Variants in LRRN2 observed in about 807,000 individuals in gnomAD.
LRRN2 encodes leucine rich repeat neuronal 2.
LRRN2 carries 10 observed loss-of-function variants against 35.7 expected under a neutral mutation model. The ratio of observed to expected loss-of-function variants is 0.28; its 90% CI spans 0.17 to 0.47. The LOEUF (loss-of-function observed/expected upper bound fraction) is 0.47. Among genes scored for constraint, LRRN2 ranks in the 20% least tolerant of loss-of-function variants. LRRN2 has a pLI of 0.99. For synonymous variants in LRRN2, 391 were observed against 409.6 expected (o/e 0.95, Z 0.55); for missense variants, 731 against 940.3 (o/e 0.78, Z 2.91).
chr1:204,679,916 G>A (rs1161484791), intron 1 of LRRN2, among the ~76,000 whole-genome samples: 1 of 152,226 alleles, frequency 6.6e-6, no homozygotes, highest in African/African-American at 2.4e-5. Context: ...TGAAGATCCC[G>A]AAAAGGAGAC....
chr1:204,663,113 C>T (rs1341906333), intron 1 of LRRN2, among the ~76,000 whole-genome samples: 1 of 152,146 alleles, frequency 6.6e-6, no homozygotes, highest in Non-Finnish European at 1.5e-5. Context: ...CCTCCAACCC[C>T]CATTTGGACC....
At chr1:204,659,322 G>A (rs1326695420) in intron 1 of LRRN2, among the ~76,000 whole-genome samples, 1 of 152,122 alleles carries the variant, frequency 6.6e-6, no homozygotes, top group Non-Finnish European at 1.5e-5. Context: ...ATGGATTCTG[G>A]CTCTGGTAAT....
intron 1 of LRRN2, chr1:204,621,192 T>A (rs1666865834): frequency 6.0e-6 from 1 of 167,218 alleles, no homozygotes; most frequent in South Asian, 2.1e-4. Context: ...GAAGCCTGGG[T>A]CTGAGCTCCT....
chr1:204,618,417 C>T lies in LRRN2; in HGVS notation c.1576G>A (p.Gly526Arg). Residue 526 changes from glycine (G) to arginine (R), a missense_variant, in exon 2 of 2, where the codon GGA becomes AGA. Physicochemically the swap from Gly to Arg is moderately radical, Grantham distance 125 (BLOSUM62 -2). Transcript: ENST00000367177. Reference protein sequence around the residue: ...RALLQPGRDEGQGLELRVQET... With the variant: ...RALLQPGRDERQGLELRVQET... Reference sequence around the variant, plus strand: ...TGCACCCGGAGCTCCAGCCCCTGTCCTTCGTCCCTGCCTGGCTGGAGGAGA... The same window carrying T: ...TGCACCCGGAGCTCCAGCCCCTGTCTTTCGTCCCTGCCTGGCTGGAGGAGA... The T allele has an allele frequency of 6.2e-7, 1 of 1,614,028 alleles. No homozygotes were observed. The highest frequency in any genetic ancestry group is 1.7e-4 in the Middle Eastern group (1 of 6,060).
At chr1:204,644,458 CT>C (rs1668055227) in intron 1 of LRRN2, among the ~76,000 whole-genome samples, 1 of 152,132 alleles carries the variant, frequency 6.6e-6, no homozygotes, top group Non-Finnish European at 1.5e-5. Context: ...CTCTCCTCCT[CT>C]TCTTTTTCCC....
intron 1 of LRRN2, among the ~76,000 whole-genome samples, chr1:204,684,151 T>A (rs963695833): frequency 6.6e-6 from 1 of 152,106 alleles, no homozygotes; most frequent in Non-Finnish European, 1.5e-5. Context: ...TCTTCCCCTA[T>A]GACAGTGACC....
At chr1:204,649,250 A>C (rs752004187) in intron 1 of LRRN2, among the ~76,000 whole-genome samples, 24 of 152,242 alleles carry the variant, frequency 1.6e-4, no homozygotes, top group Non-Finnish European at 3.4e-4. Context: ...TTCTCGCCTA[A>C]GAGCAACCTG....
rs150532073 is a variant in LRRN2, at chr1:204,630,247, G to A, written c.-226-10029C>T. 6.1e-3 allele frequency among the ~76,000 whole-genome samples: 907 copies of A among 148,150 alleles called. 12 individuals carry two copies. Among genetic ancestry groups the A allele is most frequent in the African/African-American group, 0.021 (866 of 40,504 alleles). ...GGTGAATGAGGCCTTAGTTAAGGAGGTTTGGGTTTCCTGCCTCCAAGTGTC... is the reference window on the plus strand; with the variant it reads ...GGTGAATGAGGCCTTAGTTAAGGAGATTTGGGTTTCCTGCCTCCAAGTGTC... On this transcript the variant is annotated intron_variant, in intron 1 of 1. Coordinates refer to ENST00000367177, the MANE Select transcript of LRRN2 (RefSeq NM_201630.2).
chr1:204,619,349 A>G lies in LRRN2; in HGVS notation c.644T>C (p.Leu215Pro). 6.2e-7 allele frequency: 1 copy of G among 1,614,236 alleles called. No homozygotes were observed. The highest frequency in any genetic ancestry group is 1.1e-5 in the South Asian group (1 of 91,088). The stretch of plus-strand genomic sequence containing the variant: ...CATGCCTGCTAGCACCAGGCTACGC[A>G]GGTTGGCCAGGGGCCGGAAGTTCAT... Reference protein sequence around the residue: ...LDMNFRPLANLRSLVLAGMNL... With the variant: ...LDMNFRPLANPRSLVLAGMNL... Residue 215 changes from leucine to proline, a missense_variant, in exon 2 of 2, where the codon CTG becomes CCG. Transcript: ENST00000367177.
Position 204,619,956 on chromosome 1 carries a change from C to G in LRRN2, c.37G>C (p.Val13Leu). 1 of 1,612,570 alleles carries G rather than the reference C, an allele frequency of 6.2e-7. No individual in the cohort carries two copies. Among genetic ancestry groups the G allele is most frequent in the South Asian group, 1.1e-5 (1 of 90,752 alleles). Residue 13 changes from valine (V) to leucine (L), a missense_variant, in exon 2 of 2, where the codon GTG becomes CTG. Physicochemically the swap from Val to Leu is conservative, Grantham distance 32. Transcript: ENST00000367177. Reference protein sequence around the residue: ...LLVAPLLLAWVAGATAAVPVV... With the variant: ...LLVAPLLLAWLAGATAAVPVV... Reference sequence around the variant, plus strand: ...GGCACAGCGGCAGTGGCACCAGCCACCCAAGCTAGCAAGAGTGGGGCCACG... The same window carrying G: ...GGCACAGCGGCAGTGGCACCAGCCAGCCAAGCTAGCAAGAGTGGGGCCACG...
intron 1 of LRRN2, among the ~76,000 whole-genome samples, chr1:204,644,780 A>T (rs924401296): frequency 5.3e-5 from 8 of 152,180 alleles, no homozygotes; most frequent in African/African-American, 1.9e-4. Context: ...GTCAGTGCTC[A>T]ATAAATGCAG....
intron 1 of LRRN2, among the ~76,000 whole-genome samples, chr1:204,672,292 C>T (rs1330067393): frequency 2.0e-5 from 3 of 152,176 alleles, no homozygotes; most frequent in African/African-American, 7.2e-5. Flanking sequence ...GCTATGTGAT[C>T]TCAAGTCCTT....
intron 1 of LRRN2, among the ~76,000 whole-genome samples, chr1:204,639,212 C>T (rs1387648858): frequency 2.0e-5 from 3 of 152,258 alleles, no homozygotes; most frequent in African/African-American, 7.2e-5. Flanking sequence ...GGTGACACGT[C>T]TTTTACTCTA....
At position 204,618,899 on chromosome 1, in the gene LRRN2, C is replaced by T. The variant is rs565338870; in HGVS notation, c.1094G>A (p.Gly365Asp). 6 of 1,614,166 alleles carry T rather than the reference C, an allele frequency of 3.7e-6. No individual in the cohort carries two copies. In the African/African-American group the frequency reaches 6.7e-5, roughly 18 times the overall value. ...ACAGCGGATGGGGTTGCCGTGGAGA[C>T]CTACCTCCTGCAGGTTGGGCAGGGA... is the stretch of plus-strand genomic sequence containing the variant. ...VESLPNLQEV[G>D]LHGNPIRCDC... The change falls in exon 2 of 2, where the codon GGT becomes GAT. Residue 365 changes from glycine (G) to aspartate (D), a missense_variant. By Grantham distance (94) the Gly-to-Asp change is moderately conservative. Coordinates refer to ENST00000367177, the MANE Select transcript of LRRN2 (RefSeq NM_201630.2).
chr1:204,647,202 T>TA (rs1385318638), intron 1 of LRRN2, among the ~76,000 whole-genome samples: 1 of 148,988 alleles, frequency 6.7e-6, no homozygotes. Context: ...AAGAAGGCCT[T>TA]AAAGAGACTG....
chr1:204,650,762 G>A (rs549436683), intron 1 of LRRN2, among the ~76,000 whole-genome samples: 1 of 152,090 alleles, frequency 6.6e-6, no homozygotes, highest in Non-Finnish European at 1.5e-5. Context: ...GGAGGGCTGG[G>A]GACACGGCAC....
chr1:204,631,199 T>C (rs1667682463), intron 1 of LRRN2, among the ~76,000 whole-genome samples: 1 of 133,822 alleles, frequency 7.5e-6, no homozygotes, highest in South Asian at 2.5e-4. Flanking sequence ...ATCTCTAACC[T>C]CCTCTCCAGC....
intron 1 of LRRN2, among the ~76,000 whole-genome samples, chr1:204,674,223 G>C (rs536982223): frequency 6.6e-6 from 1 of 152,114 alleles, no homozygotes. Flanking sequence ...AGGAAGGGTG[G>C]GGCAGGATAA....
chr1:204,631,883 T>C (rs565844740), intron 1 of LRRN2, among the ~76,000 whole-genome samples: 1 of 152,170 alleles, frequency 6.6e-6, no homozygotes, highest in South Asian at 2.1e-4. Context: ...AGAGGCAGAA[T>C]GGTCTGGACA....
Sources: allele counts gnomAD v4.1 joint callset (sites outside exome capture counted in the v4.1 genomes callset), GRCh38; gene constraint gnomAD v4.1.1; transcripts MANE v1.5; gene names NCBI Gene and HGNC (gene_info 2026-07-23, HGNC 2026-07-21).